The following ERBB4 variants were observed in gnomAD, a reference collection of about 807,000 sequenced individuals.
The protein encoded by ERBB4 is erb-b2 receptor tyrosine kinase 4, also known as receptor tyrosine-protein kinase erbB-4.
In ERBB4, 42 loss-of-function variants were observed where a neutral mutation model predicts 158.0. That is an observed-to-expected ratio of 0.27 (90% CI 0.21 to 0.34). The LOEUF (loss-of-function observed/expected upper bound fraction) is 0.34. Ranked by LOEUF, ERBB4 falls within the 10% of genes least tolerant of loss-of-function variation. The pLI, the probability that ERBB4 is intolerant of heterozygous loss-of-function variation, is 1.00. For missense variants in ERBB4, 1,333 were observed against 1,624.1 expected (o/e 0.82, Z 3.08); for synonymous variants, 583 against 558.7 (o/e 1.04, Z -0.61).
chr2:211,388,974 C>A lies in ERBB4; in HGVS notation c.3136-982G>T, dbSNP rs144532150. On this transcript the variant is annotated intron_variant, in intron 25 of 27. Coordinates refer to ENST00000342788, the MANE Select transcript of ERBB4 (RefSeq NM_005235.3). ...TTATGAAGCTTATATTCTCTGCGAT[C>A]CAGCTTTAAGTAAACAGAGATGACT... Among the ~76,000 whole-genome samples the A allele has an allele frequency of 5.9e-3, 892 of 152,292 alleles. 5 individuals are homozygous for A. The highest frequency in any genetic ancestry group is 8.3e-3 in the Non-Finnish European group (564 of 68,026).
intron 2 of ERBB4, among the ~76,000 whole-genome samples, chr2:212,079,099 G>A (rs1319639975): frequency 6.7e-6 from 1 of 150,100 alleles, no homozygotes; most frequent in Non-Finnish European, 1.5e-5. Flanking sequence ...CTTTTTTGAT[G>A]TTAGATATAA....
intron 1 of ERBB4, among the ~76,000 whole-genome samples, chr2:212,308,166 G>A (rs79985135): frequency 0.16 from 23,670 of 151,004 alleles, 2,000 homozygotes; most frequent in South Asian, 0.23. Context: ...AATCATTGAA[G>A]AAACATAGGC....
At chr2:211,905,975 T>C (rs1377221469) in intron 3 of ERBB4, among the ~76,000 whole-genome samples, 2 of 150,676 alleles carry the variant, frequency 1.3e-5, no homozygotes, top group Non-Finnish European at 3.0e-5. Flanking sequence ...TGGAATGCAG[T>C]GAGAAAGGGA....
intron 1 of ERBB4, among the ~76,000 whole-genome samples, chr2:212,460,986 C>A (rs1227658992): frequency 6.6e-6 from 1 of 152,140 alleles, no homozygotes; most frequent in African/African-American, 2.4e-5. Flanking sequence ...TGCATTTCAG[C>A]TGCTACAATC....
intron 4 of ERBB4, among the ~76,000 whole-genome samples, chr2:211,773,495 A>G (rs74473770): frequency 1.7e-4 from 25 of 147,846 alleles, no homozygotes; most frequent in African/African-American, 5.9e-4. Context: ...AAGAGAGGGT[A>G]TGAGATAATC....
At chr2:211,592,675 T>A in intron 19 of ERBB4, among the ~76,000 whole-genome samples, 1 of 152,064 alleles carries the variant, frequency 6.6e-6, no homozygotes, top group South Asian at 2.1e-4. Context: ...AAGAGGTCTT[T>A]AAGTAGTACA....
rs75009470 is a variant in ERBB4 at position 211,948,835 on chromosome 2, G to A, written c.235-1219C>T. ...GTGATCTTATTCAGTTTCAAAGTTGGTGATCTCCAAACATTTATCTCTATA... is the reference window on the plus strand; with the variant it reads ...GTGATCTTATTCAGTTTCAAAGTTGATGATCTCCAAACATTTATCTCTATA... On this transcript the variant is annotated intron_variant, in intron 2 of 27. Transcript: ENST00000342788. 8.5e-3 allele frequency among the ~76,000 whole-genome samples: 1,292 copies of A among 151,958 alleles called. 27 individuals carry two copies. Among genetic ancestry groups the A allele is most frequent in the African/African-American group, 0.03 (1,222 of 41,422 alleles).
chr2:211,679,255 TG>T lies in ERBB4; in HGVS notation c.1490-72del. 2.6e-6 allele frequency: 4 copies of T among 1,552,668 alleles called. No individual in the cohort carries two copies. The South Asian group carries it at 4.5e-5, about 18-fold the overall frequency. ...CAAAACTTAAAATCTTCCTAGGTAATGCTATTTCTAAAGGAGTTCACTTAAA... is the reference window on the plus strand; with the variant it reads ...CAAAACTTAAAATCTTCCTAGGTAATCTATTTCTAAAGGAGTTCACTTAAA... On this transcript the variant is annotated intron_variant, in intron 12 of 27. Transcript: ENST00000342788.
rs189484993 is a variant in ERBB4, at chr2:212,315,871, T to C, written c.83-190968A>G. ...GCCAATTATTTTCTAAAAGTAACAA[T>C]TGAACTCACAGAAGACATATGTACA... On this transcript the variant is annotated intron_variant, in intron 1 of 27. Coordinates refer to ENST00000342788, the MANE Select transcript of ERBB4 (RefSeq NM_005235.3). Among the ~76,000 whole-genome samples, 44 of 151,562 alleles carry C rather than the reference T, an allele frequency of 2.9e-4. No homozygotes were observed. In the East Asian group the frequency reaches 7.2e-3, roughly 25 times the overall value.
intron 1 of ERBB4, among the ~76,000 whole-genome samples, chr2:212,314,060 A>C (rs1309184529): frequency 6.6e-6 from 1 of 151,172 alleles, no homozygotes; most frequent in East Asian, 2.0e-4. Flanking sequence ...CTTCTCGCTA[A>C]AATAAAGTAA....
At chr2:212,447,596 T>C (rs999180695) in intron 1 of ERBB4, among the ~76,000 whole-genome samples, 49 of 152,154 alleles carry the variant, frequency 3.2e-4, no homozygotes, top group African/African-American at 1.2e-3. Context: ...ATTCAATTAA[T>C]CCAGTTTTCA....
At position 212,206,751 on chromosome 2, in the gene ERBB4, T is replaced by C. The variant is rs1014054262; in HGVS notation, c.83-81848A>G. On this transcript the variant is annotated intron_variant, in intron 1 of 27. Coordinates refer to ENST00000342788, the MANE Select transcript of ERBB4 (RefSeq NM_005235.3). The stretch of plus-strand genomic sequence containing the variant: ...ACAGGGGCCCGCCACTGCGCCCAGC[T>C]AATTTTTTTTGTATTTTTAGTAGAG... Among the ~76,000 whole-genome samples, 12 of 151,990 alleles carry C rather than the reference T, an allele frequency of 7.9e-5. No individual in the cohort carries two copies. In the East Asian group the frequency reaches 2.3e-3, roughly 30 times the overall value.
intron 1 of ERBB4, among the ~76,000 whole-genome samples, chr2:212,203,434 C>T (rs1028497642): frequency 2.0e-4 from 30 of 152,240 alleles, no homozygotes; most frequent in Admixed American, 1.6e-3. Context: ...AGGAGATGAG[C>T]TCAAGACACA....
intron 1 of ERBB4, among the ~76,000 whole-genome samples, chr2:212,484,165 C>A (rs1354536847): frequency 6.6e-6 from 1 of 151,982 alleles, no homozygotes; most frequent in Non-Finnish European, 1.5e-5. Context: ...GTTCTAAATC[C>A]CAGTTGTGAC....
At chr2:211,419,231 T>A (rs1294127248) in intron 25 of ERBB4, among the ~76,000 whole-genome samples, 1 of 152,098 alleles carries the variant, frequency 6.6e-6, no homozygotes. Context: ...ATCACCTGAC[T>A]TCTCTGTGGC....
At chr2:211,516,436 C>T (rs1190490112) in intron 20 of ERBB4, among the ~76,000 whole-genome samples, 1 of 151,336 alleles carries the variant, frequency 6.6e-6, no homozygotes, top group Non-Finnish European at 1.5e-5. Context: ...TGGGTTCAAG[C>T]GATTCTTGTA....
chr2:211,805,415 G>GGT, intron 3 of ERBB4, among the ~76,000 whole-genome samples: 1 of 152,122 alleles, frequency 6.6e-6, no homozygotes. Context: ...AATATAAAAG[G>GGT]GTGTTAAAAG....
At position 211,596,768 on chromosome 2, in the gene ERBB4, CT is replaced by C. The variant is rs879316511; in HGVS notation, c.2301+22408del. Among the ~76,000 whole-genome samples, 322 of 147,324 alleles carry C rather than the reference CT, an allele frequency of 2.2e-3. 1 individual carries two copies. The highest frequency in any genetic ancestry group is 6.9e-3 in the African/African-American group (278 of 40,432). Reference sequence around the variant, plus strand: ...TGATGTAGCTTTTTACCCACTTACTCTTTTTTTTTTTCTGAGATGGAGTTTC... The same window carrying C: ...TGATGTAGCTTTTTACCCACTTACTCTTTTTTTTTTCTGAGATGGAGTTTC... On this transcript the variant is annotated intron_variant, in intron 19 of 27. Transcript: ENST00000342788.
intron 12 of ERBB4, among the ~76,000 whole-genome samples, chr2:211,700,235 T>C (rs1199897435): frequency 2.6e-5 from 4 of 152,282 alleles, no homozygotes; most frequent in East Asian, 1.9e-4. Context: ...TACACACACA[T>C]ATTGTGATAT....
Sources: gnomAD v4.1 joint callset for allele counts (sites outside exome capture counted in the v4.1 genomes callset) on GRCh38, gnomAD v4.1.1 for gene constraint, MANE v1.5 for transcripts, NCBI Gene and HGNC (gene_info 2026-07-23, HGNC 2026-07-21) for gene names.